The following GOLGA6D variants were observed in gnomAD, a reference collection of about 807,000 sequenced individuals.
The protein encoded by GOLGA6D is golgin A6 family member D, also known as golgin subfamily A member 6D.
A neutral mutation model predicts 42.1 loss-of-function variants in GOLGA6D; 9 were observed. The observed-to-expected ratio is 0.21, with a 90% confidence interval of 0.13 to 0.37. The LOEUF is 0.37. GOLGA6D is among the 10% of genes least tolerant of loss of function. The pLI is 1.00. For synonymous variants in GOLGA6D, 39 were observed against 167.3 expected, an observed-to-expected ratio of 0.23 and a Z score of 5.92; for missense variants, 87 against 420.8, an observed-to-expected ratio of 0.21 and a Z score of 6.94.
the GOLGA6D span, among the ~76,000 whole-genome samples, chr15:75,277,705 C>T: frequency 0.027 from 3,542 of 133,542 alleles, no homozygotes; most frequent in Non-Finnish European, 0.041. Context: ...GCCTGTGGTC[C>T]CAGCTACTCG....
In GOLGA6D at chr15:75,294,344, G is replaced by A. The variant is rs778770472; in HGVS notation, c.1955-4G>A. The A allele has an allele frequency of 2.1e-4, 335 of 1,593,636 alleles. 13 individuals carry two copies. Among genetic ancestry groups the A allele is most frequent in the East Asian group, 1.9e-3 (83 of 44,426 alleles). On this transcript the variant is annotated splice_region_variant and splice_polypyrimidine_tract_variant and intron_variant, in intron 17 of 17. Coordinates refer to ENST00000434739, the MANE Select transcript of GOLGA6D (RefSeq NM_001145224.3). ...CTCAGACCCCCGCCTCCCTCTCTCCGAAGTTTTTTATGAAGTGAGCCTGGA... is the reference window on the plus strand; with the variant it reads ...CTCAGACCCCCGCCTCCCTCTCTCCAAAGTTTTTTATGAAGTGAGCCTGGA...
the GOLGA6D span, among the ~76,000 whole-genome samples, chr15:75,276,226 C>T: frequency 3.9e-4 from 59 of 151,784 alleles, no homozygotes; most frequent in Non-Finnish European, 7.2e-4. Context: ...CATTCCCTGC[C>T]CCTCAGCTGT....
Position 75,294,268 on chromosome 15 carries a change from A to T in GOLGA6D, c.1954+7A>T. 1 of 1,472,426 alleles carries T rather than the reference A, an allele frequency of 6.8e-7. No homozygotes were observed. The highest frequency in any genetic ancestry group is 9.1e-7 in the Non-Finnish European group (1 of 1,102,840). 91.2% of individuals were successfully genotyped at this position (1,472,426 alleles called of 1,614,324 possible). On this transcript the variant is annotated splice_region_variant and intron_variant, in intron 17 of 17. Coordinates refer to ENST00000434739, the MANE Select transcript of GOLGA6D (RefSeq NM_001145224.3). The stretch of plus-strand genomic sequence containing the variant: ...GCTGCCGGTGAGCAGGATGGTGAGT[A>T]GAGCTCTCAGGCGGGGTGGGCAGGC...
chr15:75,279,049 G>A (rs542385057), upstream of GOLGA6D, among the ~76,000 whole-genome samples: 1 of 147,548 alleles, frequency 6.8e-6, no homozygotes, highest in Non-Finnish European at 1.5e-5. Flanking sequence ...GAAGTTGAAA[G>A]CAAAGTTTAA....
chr15:75,278,681 G>A (rs1161815868), upstream of GOLGA6D, among the ~76,000 whole-genome samples: 1 of 151,800 alleles, frequency 6.6e-6, no homozygotes, highest in Non-Finnish European at 1.5e-5. Flanking sequence ...CCTAACAAAG[G>A]CAGCAGGATC....
rs748409326 is a variant in GOLGA6D at position 75,294,505 on chromosome 15, C to T, written c.*30C>T. The T allele has an allele frequency of 9.2e-6, 14 of 1,529,010 alleles. 1 individual carries two copies. Among genetic ancestry groups the T allele is most frequent in the African/African-American group, 8.2e-5 (5 of 60,948 alleles). 94.7% of individuals were successfully genotyped at this position (1,529,010 alleles called of 1,614,324 possible). ...ACCCAGGCTTGCCCAGCAAACCCTG[C>T]GTGCCATTCTTCTACCAGGCAGCCG... On this transcript the variant is annotated 3_prime_UTR_variant, in exon 18 of 18. Transcript: ENST00000434739.
chr15:75,278,096 C>T (rs2070832758), upstream of GOLGA6D, among the ~76,000 whole-genome samples: 1 of 113,010 alleles, frequency 8.8e-6, no homozygotes, highest in Non-Finnish European at 1.7e-5. Context: ...ATGATCCATC[C>T]TGAGATGAAG....
the GOLGA6D span, among the ~76,000 whole-genome samples, chr15:75,277,756 T>TC: frequency 6.7e-6 from 1 of 148,166 alleles, no homozygotes; most frequent in Non-Finnish European, 1.5e-5. Context: ...TGAGCTGAGA[T>TC]CCACCACTCC....
chr15:75,294,429 C>G lies in GOLGA6D; in HGVS notation c.2036C>G (p.Thr679Ser), dbSNP rs1285164896. 143 of 1,598,036 alleles carry G rather than the reference C, an allele frequency of 8.9e-5. 9 individuals carry two copies. In the African/African-American group the frequency reaches 2.0e-3, roughly 22 times the overall value. ...GAGGGTTCTCCCCATAACAACCCCA[C>G]TGTACAGCAGATCGTGCAGCTGTCT... Reference protein sequence around the residue: ...AREGSPHNNPTVQQIVQLSPV... With the variant: ...AREGSPHNNPSVQQIVQLSPV... Residue 679 changes from threonine to serine, a missense_variant, in exon 18 of 18, where the codon ACT becomes AGT. Transcript: ENST00000434739.
chr15:75,278,767 G>A (rs1468755077), upstream of GOLGA6D, among the ~76,000 whole-genome samples: 3 of 151,870 alleles, frequency 2.0e-5, no homozygotes, highest in Middle Eastern at 6.3e-3. Flanking sequence ...CAGTCTGGGG[G>A]AGGGAAAAAA....
chr15:75,286,074 G>A (rs1164611336), intron 2 of GOLGA6D, among the ~76,000 whole-genome samples: 1 of 114,532 alleles, frequency 8.7e-6, no homozygotes, highest in South Asian at 3.0e-4. Context: ...GAGCAGGCAT[G>A]TGGGATTTGG....
intron 14 of GOLGA6D, among the ~76,000 whole-genome samples, chr15:75,293,381 T>C (rs1041794277): frequency 6.9e-6 from 1 of 145,294 alleles, no homozygotes; most frequent in East Asian, 2.2e-4. Context: ...ATTTGTTCTG[T>C]CTATGCCCCT....
chr15:75,289,375 C>T lies in GOLGA6D; in HGVS notation c.565-22C>T, dbSNP rs1450237472. ...ACTGCCCGAGCTCCCCAGATCAAAA[C>T]TTCTCACTCTTCACCATCCAGTCCT... On this transcript the variant is annotated intron_variant, in intron 7 of 17. Transcript: ENST00000434739. The T allele has an allele frequency of 3.2e-6, 5 of 1,547,962 alleles. 1 individual carries two copies. Among genetic ancestry groups the T allele is most frequent in the African/African-American group, 3.0e-5 (2 of 66,342 alleles).
rs557524538 is a variant in GOLGA6D at position 75,289,336 on chromosome 15, C to A, written c.565-61C>A. 403 of 1,481,912 alleles carry A rather than the reference C, an allele frequency of 2.7e-4. 58 individuals are homozygous for A. The South Asian group carries it at 4.5e-3, about 17-fold the overall frequency. The allele number at this position is 1,481,912 out of a possible 1,614,324, so 91.8% of individuals were successfully genotyped here. On this transcript the variant is annotated intron_variant, in intron 7 of 17. Coordinates refer to ENST00000434739, the MANE Select transcript of GOLGA6D (RefSeq NM_001145224.3). ...AGTTGTATATTGAGCCTAGCCCTAG[C>A]CCTTTTAAGGGGCACTGCCCGAGCT...
Position 75,294,403 on chromosome 15 carries a change from G to T in GOLGA6D, c.2010G>T (p.Arg670Ser). Residue 670 changes from arginine to serine, a missense_variant, in exon 18 of 18, where the codon AGG becomes AGT. Transcript: ENST00000434739. Reference protein sequence around the residue: ...NNVEPAPGVAREGSPHNNPTV... With the variant: ...NNVEPAPGVASEGSPHNNPTV... ...TGGAGCCTGCACCAGGAGTGGCCAG[G>T]GAGGGTTCTCCCCATAACAACCCCA... 1.2e-6 allele frequency: 2 copies of T among 1,600,264 alleles called. No homozygotes were observed. The highest frequency in any genetic ancestry group is 1.7e-6 in the Non-Finnish European group (2 of 1,177,396).
At chr15:75,288,721 GT>G (rs2070865490) in intron 7 of GOLGA6D, among the ~76,000 whole-genome samples, 5 of 27,226 alleles carry the variant, frequency 1.8e-4, no homozygotes, top group Admixed American at 4.4e-4. Context: ...GAGGAAAGGG[GT>G]GTGTGTGTGT....
rs1157576507 is a variant in GOLGA6D, at chr15:75,295,287, T to C, written c.*812T>C. Reference sequence around the variant, plus strand: ...ACTATGGTAGTTCCCTTAGGATTTGTATGTGCTCTGGGCTCATGAAGATAT... The same window carrying C: ...ACTATGGTAGTTCCCTTAGGATTTGCATGTGCTCTGGGCTCATGAAGATAT... On this transcript the variant is annotated 3_prime_UTR_variant, in exon 18 of 18. Coordinates refer to ENST00000434739, the MANE Select transcript of GOLGA6D (RefSeq NM_001145224.3). 1 of 150,436 alleles carries C rather than the reference T, an allele frequency of 6.6e-6. No homozygotes were observed. Among genetic ancestry groups the C allele is most frequent in the African/African-American group, 2.5e-5 (1 of 39,914 alleles). The allele number at this position is 150,436 out of a possible 1,614,324, so 9.3% of individuals were successfully genotyped here.
the GOLGA6D span, among the ~76,000 whole-genome samples, chr15:75,277,783 C>A: frequency 1.3e-5 from 2 of 149,398 alleles, no homozygotes; most frequent in African/African-American, 5.1e-5. Flanking sequence ...GCCTGGGCGA[C>A]AGAGTGACAC....
In GOLGA6D at chr15:75,294,554, A is replaced by G; in HGVS notation, c.*79A>G. 8.1e-7 allele frequency: 1 copy of G among 1,242,068 alleles called. No individual in the cohort carries two copies. Among genetic ancestry groups the G allele is most frequent in the African/African-American group, 1.8e-5 (1 of 55,080 alleles). 76.9% of individuals were successfully genotyped at this position (1,242,068 alleles called of 1,614,324 possible). On this transcript the variant is annotated 3_prime_UTR_variant, in exon 18 of 18. Coordinates refer to ENST00000434739, the MANE Select transcript of GOLGA6D (RefSeq NM_001145224.3). ...CGAGAACAGGGAGATAAACATCATC[A>G]TCTTCTAAGAGCTGGTCAAGAAATT...
Sources: allele counts gnomAD v4.1 joint callset (sites outside exome capture counted in the v4.1 genomes callset), GRCh38; gene constraint gnomAD v4.1.1; transcripts MANE v1.5; gene names NCBI Gene and HGNC (gene_info 2026-07-23, HGNC 2026-07-21).